The following HECTD4 variants were observed in gnomAD, a reference collection of about 807,000 sequenced individuals.
HECTD4 encodes HECT domain E3 ubiquitin protein ligase 4, also known as probable E3 ubiquitin-protein ligase HECTD4.
In HECTD4, 114 loss-of-function variants were observed where a neutral mutation model predicts 471.5. The ratio of observed to expected loss-of-function variants is 0.24; its 90% CI spans 0.21 to 0.28. The LOEUF is 0.28. Among genes scored for constraint, HECTD4 ranks in the 10% least tolerant of loss-of-function variants. The probability of loss-of-function intolerance (pLI) is 1.00; values close to 1 mark genes in which losing one functional copy is unlikely to be tolerated. For missense variants in HECTD4, 3,866 were observed against 5,651.5 expected (o/e 0.68, Z 10.13); for synonymous variants, 2,012 against 2,256.0 (o/e 0.89, Z 3.07).
rs1306139028 is a variant in HECTD4, at chr12:112,185,609, T to C, written c.9473-116A>G. On this transcript the variant is annotated intron_variant, in intron 60 of 75. Coordinates refer to ENST00000682272, the MANE Select transcript of HECTD4 (RefSeq NM_001388303.1). ...AACCCTGTGAACACTGACTGCGCAA[T>C]TCAGTCCCTTCTTACAGATGGAGAA... 6 of 710,594 alleles carry C rather than the reference T, an allele frequency of 8.4e-6. No homozygotes were observed. The African/African-American group carries it at 1.1e-4, about 13-fold the overall frequency. 44.0% of individuals were successfully genotyped at this position (710,594 alleles called of 1,614,324 possible).
chr12:112,193,576 T>C lies in HECTD4; in HGVS notation c.8848A>G (p.Asn2950Asp). The change falls in exon 57 of 76, where the codon AAC becomes GAC. Residue 2950 changes from asparagine to aspartate, a missense_variant. Asn to Asp is a conservative substitution (Grantham distance 23, BLOSUM62 1). Transcript: ENST00000682272. This position sits in a 1 kb window ranked among gnomAD's most constrained non-coding sequence, Gnocchi z 5.2. ...AGCCACTCTCTCACTGTCTGGGAGT[T>C]GCCCTGGTAAAAGAGGTCCGTGGCG... ...CSATDLFYQG[N>D]SQTVREWLNV... The C allele has an allele frequency of 6.2e-7, 1 of 1,613,258 alleles. No individual in the cohort carries two copies.
intron 53 of HECTD4, among the ~76,000 whole-genome samples, chr12:112,204,147 A>G (rs2032508841): frequency 6.6e-6 from 1 of 152,178 alleles, no homozygotes; most frequent in East Asian, 1.9e-4. Context: ...GGTTCAAGTG[A>G]TTCTCCTGCC....
Position 112,243,209 on chromosome 12 carries a change from C to T in HECTD4, c.4958+144G>A, listed in dbSNP as rs2135579913. 1.3e-6 allele frequency: 1 copy of T among 748,844 alleles called. No homozygotes were observed. Among genetic ancestry groups the T allele is most frequent in the East Asian group, 2.7e-5 (1 of 36,694 alleles). 46.4% of individuals were successfully genotyped at this position (748,844 alleles called of 1,614,324 possible). A position where few individuals can be genotyped will look rare whatever the true frequency, so the allele number is the denominator to read the frequency against. ...TTCTATTAATATGTTGAGTTTTTTG[C>T]AAGATCATGTACCACTTTTATATAA... On this transcript the variant is annotated intron_variant, in intron 32 of 75. Transcript: ENST00000682272. The surrounding 1 kb of genome is among the most constrained non-coding windows in gnomAD (Gnocchi z 6.6).
chr12:112,250,617 G>T (rs1260821932), intron 24 of HECTD4, among the ~76,000 whole-genome samples: 1 of 152,164 alleles, frequency 6.6e-6, no homozygotes, highest in Non-Finnish European at 1.5e-5. Flanking sequence ...AAAGCTGAAA[G>T]AATGACATGG....
At position 112,273,778 on chromosome 12, in the gene HECTD4, C is replaced by A; in HGVS notation, c.1819G>T (p.Val607Leu). 2 of 1,613,950 alleles carry A rather than the reference C, an allele frequency of 1.2e-6. No homozygotes were observed. The highest frequency in any genetic ancestry group is 1.7e-6 in the Non-Finnish European group (2 of 1,179,874). The change falls in exon 11 of 76, where the codon GTG becomes TTG. Residue 607 changes from valine to leucine, a missense_variant. Transcript: ENST00000682272. ...GAGCATGTCCATAGCATGTTGTTCA[C>A]TGTGTCATAACACGCTCCTGCAAAA... ...VPGLGACYDT[V>L]NNMLWTCSND...
rs377091633 is a variant in HECTD4 at position 112,239,955 on chromosome 12, A to G, written c.5031T>C (p.Val1677=). The stretch of plus-strand genomic sequence containing the variant: ...TAGGGTAACGAGCACACAGAGACAC[A>G]ACAGAGGTCATGGTCTCGCCAAAGG... ...QEAFGETMTS[V]VSLCARYPIA... The change falls in exon 33 of 76, where the codon GTT becomes GTC. Residue 1677 remains valine (V), a synonymous_variant. Coordinates refer to ENST00000682272, the MANE Select transcript of HECTD4 (RefSeq NM_001388303.1). The surrounding 1 kb of genome is among the most constrained non-coding windows in gnomAD (Gnocchi z 4.9). 274 of 1,614,036 alleles carry G rather than the reference A, an allele frequency of 1.7e-4. No individual in the cohort carries two copies. Among genetic ancestry groups the G allele is most frequent in the Non-Finnish European group, 2.2e-4 (261 of 1,179,866 alleles).
intron 1 of HECTD4, among the ~76,000 whole-genome samples, chr12:112,350,404 T>C (rs1042548685): frequency 6.6e-6 from 1 of 152,252 alleles, no homozygotes; most frequent in Non-Finnish European, 1.5e-5. Context: ...TAACTTCTCT[T>C]GCTTTGGCTT....
At chr12:112,261,773 C>T (rs1264011619) in intron 17 of HECTD4, 3 of 176,298 alleles carry the variant, frequency 1.7e-5, no homozygotes, top group South Asian at 1.6e-4. Flanking sequence ...TCCTGGTGGC[C>T]AGCCCAGAAA....
intron 15 of HECTD4, 54 bp from the exon 16 acceptor site, chr12:112,265,349 A>G (rs2034244213): frequency 2.0e-5 from 25 of 1,236,974 alleles, no homozygotes; most frequent in Non-Finnish European, 2.7e-5. Context: ...TATTCATAAA[A>G]GGATAAATTT....
intron 45 of HECTD4, 123 bp from the exon 46 acceptor site, chr12:112,217,318 TACACACACAC>T: frequency 2.1e-6 from 1 of 470,462 alleles, no homozygotes; most frequent in Non-Finnish European, 3.7e-6. Context: ...CACACACACA[TACACACACAC>T]ACACACATAC....
chr12:112,339,705 G>A (rs1360902985), intron 1 of HECTD4, among the ~76,000 whole-genome samples: 9 of 152,064 alleles, frequency 5.9e-5, no homozygotes, highest in Non-Finnish European at 1.5e-5. Context: ...CCTGACTTAC[G>A]ATGTGCTTAC....
At chr12:112,263,092 T>G (rs1566091400) in intron 17 of HECTD4, among the ~76,000 whole-genome samples, 2 of 152,154 alleles carry the variant, frequency 1.3e-5, no homozygotes, top group Non-Finnish European at 2.9e-5. Context: ...ATACAGCAAC[T>G]TTACAAAGAA....
intron 1 of HECTD4, among the ~76,000 whole-genome samples, chr12:112,369,144 T>C (rs1040922827): frequency 2.1e-4 from 32 of 152,124 alleles, no homozygotes; most frequent in African/African-American, 7.5e-4. Flanking sequence ...AATGAGCCTA[T>C]GCCGGGACAA....
chr12:112,258,663 AAAC>A, intron 19 of HECTD4, 67 bp from the exon 20 acceptor site: 1 of 1,247,322 alleles, frequency 8.0e-7, no homozygotes, highest in African/African-American at 1.5e-5. Context: ...TATGACAGCC[AAAC>A]TTAGAGGTCT....
At chr12:112,204,661 G>A in intron 52 of HECTD4, 38 bp from the exon 53 acceptor site, 1 of 1,544,378 alleles carries the variant, frequency 6.5e-7, no homozygotes, top group Non-Finnish European at 8.9e-7. Context: ...TCCCCAAAGA[G>A]TACACACAGA....
At position 112,213,722 on chromosome 12, in the gene HECTD4, T is replaced by TAAA. The variant is rs1157463172; in HGVS notation, c.7466-1073_7466-1072insTTT. On this transcript the variant is annotated intron_variant, in intron 48 of 75. Coordinates refer to ENST00000682272, the MANE Select transcript of HECTD4 (RefSeq NM_001388303.1). The surrounding 1 kb of genome is among the most constrained non-coding windows in gnomAD (Gnocchi z 4.0). ...TACATATATATATATATATATATAA[T>TAAA]ATATATATAAAATTTAAGGCCAGAC... Among the ~76,000 whole-genome samples the TAAA allele has an allele frequency of 3.1e-3, 415 of 135,136 alleles. 2 individuals carry two copies. The highest frequency in any genetic ancestry group is 0.011 in the Middle Eastern group (3 of 266). 88.7% of individuals were successfully genotyped at this position (135,136 alleles called of 152,430 possible).
chr12:112,233,437 G>A (rs1404583447), intron 37 of HECTD4, among the ~76,000 whole-genome samples: 2 of 151,728 alleles, frequency 1.3e-5, no homozygotes, highest in African/African-American at 2.4e-5. Context: ...TGCCCAGGCT[G>A]GTCTCGAACT....
chr12:112,346,696 A>G (rs1294829118), intron 1 of HECTD4, among the ~76,000 whole-genome samples: 1 of 152,076 alleles, frequency 6.6e-6, no homozygotes, highest in Non-Finnish European at 1.5e-5. Context: ...TAGTTCTTGA[A>G]TTTCTCCAGC....
intron 22 of HECTD4, among the ~76,000 whole-genome samples, chr12:112,253,209 C>T (rs1044508432): frequency 1.3e-5 from 2 of 152,114 alleles, no homozygotes; most frequent in Admixed American, 1.3e-4. Context: ...ACTGCAACCT[C>T]CACCTCCTGG....
Sources: allele counts gnomAD v4.1 joint callset (sites outside exome capture counted in the v4.1 genomes callset), GRCh38; gene constraint gnomAD v4.1.1; non-coding constraint Gnocchi (gnomAD v3.1); transcripts MANE v1.5; gene names NCBI Gene and HGNC (gene_info 2026-07-23, HGNC 2026-07-21).